ARHGAP15: variants seen among roughly 807,000 people sequenced by gnomAD.
ARHGAP15 encodes the protein Rho GTPase activating protein 15, also known as rho GTPase-activating protein 15.
A neutral mutation model predicts 63.7 loss-of-function variants in ARHGAP15; 51 were observed. The observed-to-expected ratio is 0.80, with a 90% CI of 0.64 to 1.01. The LOEUF is 1.01. ARHGAP15 is among the 50% of genes least tolerant of loss of function. The pLI is 0.00. For missense variants in ARHGAP15, 560 were observed against 564.6 expected, an observed-to-expected ratio of 0.99 and a Z score of 0.08; for synonymous variants, 191 against 193.8, an observed-to-expected ratio of 0.99 and a Z score of 0.12.
intron 5 of ARHGAP15, chr2:143,236,149 G>T: frequency 1.5e-6 from 1 of 689,608 alleles, no homozygotes; most frequent in Non-Finnish European, 2.2e-6. Flanking sequence ...GTTTTGTTTT[G>T]TTTTTACATT....
chr2:143,661,678 A>G (rs998004644), intron 12 of ARHGAP15, among the ~76,000 whole-genome samples: 2 of 152,160 alleles, frequency 1.3e-5, no homozygotes, highest in Non-Finnish European at 2.9e-5. Context: ...TCATCTCACT[A>G]GGGAGTGCCA....
chr2:143,295,397 C>G (rs1682591389), intron 6 of ARHGAP15: 1 of 150,306 alleles, frequency 6.7e-6, no homozygotes, highest in South Asian at 2.1e-4. Context: ...AAAACATGGT[C>G]TCTCATCTCA....
intron 1 of ARHGAP15, among the ~76,000 whole-genome samples, chr2:143,139,763 T>C (rs948439797): frequency 7.2e-5 from 11 of 152,138 alleles, no homozygotes; most frequent in Non-Finnish European, 1.0e-4. Flanking sequence ...TCTCAAATTT[T>C]AGTACGGAAC....
intron 8 of ARHGAP15, among the ~76,000 whole-genome samples, chr2:143,458,707 T>C (rs1690776543): frequency 6.6e-6 from 1 of 152,188 alleles, no homozygotes; most frequent in South Asian, 2.1e-4. Context: ...CTTTATAATG[T>C]TTTCCTCTCC....
chr2:143,540,946 C>T (rs1695019541), intron 10 of ARHGAP15, among the ~76,000 whole-genome samples: 1 of 152,184 alleles, frequency 6.6e-6, no homozygotes, highest in Non-Finnish European at 1.5e-5. Flanking sequence ...TGGGGAAGTT[C>T]TCCTGGATAA....
At chr2:143,413,969 G>GCGCGCGCGCGCGCGCGCGCA (rs1390553022) in intron 6 of ARHGAP15, among the ~76,000 whole-genome samples, 1 of 150,610 alleles carries the variant, frequency 6.6e-6, no homozygotes, top group African/African-American at 2.4e-5. Flanking sequence ...GTGTGTGTGC[G>GCGCGCGCGCGCGCGCGCGCA]CGCTCTCTGG....
intron 13 of ARHGAP15, among the ~76,000 whole-genome samples, chr2:143,739,458 T>A (rs1200726779): frequency 1.3e-5 from 2 of 152,086 alleles, no homozygotes; most frequent in Non-Finnish European, 2.9e-5. Context: ...TATAAGAAAC[T>A]TGAGTGCAGC....
In ARHGAP15 at chr2:143,463,045, A is replaced by G. The variant is rs1024722412; in HGVS notation, c.704-24328A>G. On this transcript the variant is annotated intron_variant, in intron 8 of 13. Coordinates refer to ENST00000295095, the MANE Select transcript of ARHGAP15 (RefSeq NM_018460.4). Reference sequence around the variant, plus strand: ...TTTGAATGCAGCCCAACACAAATTCATAAACTTTCTTGAAACATGAGATAT... The same window carrying G: ...TTTGAATGCAGCCCAACACAAATTCGTAAACTTTCTTGAAACATGAGATAT... Among the ~76,000 whole-genome samples, 31 of 152,222 alleles carry G rather than the reference A, an allele frequency of 2.0e-4. No homozygotes were observed. The Middle Eastern group carries it at 0.01, about 50-fold the overall frequency.
At chr2:143,446,621 T>G (rs898900322) in intron 8 of ARHGAP15, among the ~76,000 whole-genome samples, 2 of 151,824 alleles carry the variant, frequency 1.3e-5, no homozygotes, top group African/African-American at 4.9e-5. Context: ...AAGTGTCTGT[T>G]GCCATTTCCA....
At chr2:143,411,279 C>A (rs990116080) in intron 6 of ARHGAP15, among the ~76,000 whole-genome samples, 2 of 151,960 alleles carry the variant, frequency 1.3e-5, no homozygotes, top group East Asian at 3.8e-4. Context: ...ATTTTAAAGA[C>A]CATAGCAGGA....
At chr2:143,325,644 T>A (rs1684215928) in intron 6 of ARHGAP15, among the ~76,000 whole-genome samples, 1 of 152,142 alleles carries the variant, frequency 6.6e-6, no homozygotes, top group Admixed American at 6.5e-5. Flanking sequence ...TTTGGGAGCT[T>A]ACAAACCAAG....
chr2:143,379,487 A>ATATGTGTG (rs1202571594), intron 6 of ARHGAP15, among the ~76,000 whole-genome samples: 14 of 129,842 alleles, frequency 1.1e-4, no homozygotes, highest in Non-Finnish European at 1.5e-4. Flanking sequence ...AGGCATATAT[A>ATATGTGTG]TGTGTGTGTG....
At chr2:143,172,513 C>T (rs2105050715) in intron 2 of ARHGAP15, among the ~76,000 whole-genome samples, 1 of 152,170 alleles carries the variant, frequency 6.6e-6, no homozygotes, top group Middle Eastern at 3.4e-3. Flanking sequence ...TTCAATAAAT[C>T]GTGGTGGCTT....
chr2:143,513,599 A>G (rs1488746575), intron 9 of ARHGAP15, among the ~76,000 whole-genome samples: 1 of 152,190 alleles, frequency 6.6e-6, no homozygotes, highest in Non-Finnish European at 1.5e-5. Context: ...AAGGTCACTC[A>G]TATCCTGAAA....
At chr2:143,519,129 A>G (rs1366782917) in intron 9 of ARHGAP15, 137 bp from the exon 10 acceptor site, 9 of 573,690 alleles carry the variant, frequency 1.6e-5, no homozygotes, top group Admixed American at 1.1e-4. Context: ...TCTGCCATAG[A>G]CACTATGGAA....
intron 6 of ARHGAP15, among the ~76,000 whole-genome samples, chr2:143,429,085 G>C (rs866670367): frequency 2.6e-5 from 4 of 152,204 alleles, no homozygotes; most frequent in African/African-American, 9.6e-5. Flanking sequence ...AAAAGTTTTG[G>C]TGTGGCTGCT....
At chr2:143,560,303 A>G (rs180718301) in intron 11 of ARHGAP15, among the ~76,000 whole-genome samples, 24 of 152,332 alleles carry the variant, frequency 1.6e-4, no homozygotes, top group African/African-American at 5.5e-4. Flanking sequence ...CAGCATTTTC[A>G]TAATTTATTA....
Position 143,292,975 on chromosome 2 carries a change from C to T in ARHGAP15, c.474+42375C>T, listed in dbSNP as rs192908723. Among the ~76,000 whole-genome samples the T allele has an allele frequency of 3.7e-3, 569 of 152,028 alleles. 2 individuals carry two copies. Among genetic ancestry groups the T allele is most frequent in the African/African-American group, 0.012 (518 of 41,490 alleles). On this transcript the variant is annotated intron_variant, in intron 6 of 13. Coordinates refer to ENST00000295095, the MANE Select transcript of ARHGAP15 (RefSeq NM_018460.4). ...ATTACTGATTGTAATCAGTTTTCTTCGAACTTTTCCTTTAGCACTTAGATT... is the reference window on the plus strand; with the variant it reads ...ATTACTGATTGTAATCAGTTTTCTTTGAACTTTTCCTTTAGCACTTAGATT...
chr2:143,641,467 A>G (rs1680596753), intron 12 of ARHGAP15, among the ~76,000 whole-genome samples: 1 of 152,174 alleles, frequency 6.6e-6, no homozygotes, highest in African/African-American at 2.4e-5. Context: ...ATCACATGAG[A>G]AAATAGCATT....
Sources: allele counts gnomAD v4.1 joint callset (sites outside exome capture counted in the v4.1 genomes callset), GRCh38; gene constraint gnomAD v4.1.1; transcripts MANE v1.5; gene names NCBI Gene and HGNC (gene_info 2026-07-23, HGNC 2026-07-21).